Variants in FHIP1A observed in about 807,000 individuals in gnomAD.
FHIP1A encodes the protein FHF complex subunit HOOK interacting protein 1A.
A neutral mutation model predicts 88.6 loss-of-function variants in FHIP1A; 61 were observed. The ratio of observed to expected loss-of-function variants is 0.69; its 90% confidence interval spans 0.56 to 0.85. The LOEUF (loss-of-function observed/expected upper bound fraction) is 0.85. Among genes scored for constraint, FHIP1A ranks in the 40% least tolerant of loss-of-function variants. The pLI is 0.00. For missense variants in FHIP1A, 1,154 were observed against 1,273.5 expected (o/e 0.91, Z 1.43); for synonymous variants, 478 against 496.0 (o/e 0.96, Z 0.48).
At chr4:151,530,134 A>C (rs1660300054) in intron 3 of FHIP1A, among the ~76,000 whole-genome samples, 1 of 152,176 alleles carries the variant, frequency 6.6e-6, no homozygotes, top group Non-Finnish European at 1.5e-5. Flanking sequence ...CTATAGTACA[A>C]CTAAATTCAG....
rs1406482787 is a variant in FHIP1A at position 151,588,901 on chromosome 4, C to T, written c.953C>T (p.Pro318Leu). 4 of 1,550,690 alleles carry T rather than the reference C, an allele frequency of 2.6e-6. No individual in the cohort carries two copies. The highest frequency in any genetic ancestry group is 1.7e-4 in the Middle Eastern group (1 of 6,014). ...VNYIYNGFLVPVLAPALHKVT... is the reference protein window; with the variant it reads ...VNYIYNGFLVLVLAPALHKVT... ...TACATTTACAATGGATTTTTGGTAC[C>T]AGTCTTGGCTCCTGCTCTCCATAAG... Residue 318 changes from proline to leucine, a missense_variant, in exon 7 of 14, where the codon CCA becomes CTA. Coordinates refer to ENST00000435205, the MANE Select transcript of FHIP1A (RefSeq NM_001109977.3).
chr4:151,471,146 C>G (rs1378845851), intron 2 of FHIP1A, among the ~76,000 whole-genome samples: 1 of 152,056 alleles, frequency 6.6e-6, no homozygotes, highest in African/African-American at 2.4e-5. Flanking sequence ...AATCAGTCCT[C>G]CAACCTGTGT....
intron 5 of FHIP1A, among the ~76,000 whole-genome samples, chr4:151,582,224 G>A (rs1578780536): frequency 6.6e-6 from 1 of 152,130 alleles, no homozygotes; most frequent in Non-Finnish European, 1.5e-5. Flanking sequence ...CCTACCAGGT[G>A]TTATGCTGCG....
At chr4:151,653,684 G>A (rs1282913525) in intron 11 of FHIP1A, among the ~76,000 whole-genome samples, 2 of 152,178 alleles carry the variant, frequency 1.3e-5, no homozygotes, top group African/African-American at 2.4e-5. Flanking sequence ...GACCGGAAAT[G>A]AGACTGACCT....
chr4:151,501,217 T>A, intron 3 of FHIP1A, among the ~76,000 whole-genome samples: 1 of 152,238 alleles, frequency 6.6e-6, no homozygotes, highest in East Asian at 1.9e-4. Context: ...TGAATCATGC[T>A]GCTATGAACA....
At chr4:151,447,948 G>A (rs1355104812) in intron 1 of FHIP1A, among the ~76,000 whole-genome samples, 1 of 152,130 alleles carries the variant, frequency 6.6e-6, no homozygotes, top group Non-Finnish European at 1.5e-5. Context: ...TTGCTCTGTA[G>A]CCCAGGCTGG....
At chr4:151,598,249 C>T (rs972726986) in intron 7 of FHIP1A, among the ~76,000 whole-genome samples, 25 of 152,116 alleles carry the variant, frequency 1.6e-4, no homozygotes, top group African/African-American at 5.8e-4. Flanking sequence ...CTGTTCCTCA[C>T]GGCACAGTCC....
chr4:151,590,185 A>G (rs1006605879), intron 7 of FHIP1A, among the ~76,000 whole-genome samples: 2 of 152,232 alleles, frequency 1.3e-5, no homozygotes, highest in African/African-American at 4.8e-5. Context: ...GGAACACAAG[A>G]GTGCTATAGA....
At position 151,616,013 on chromosome 4, in the gene FHIP1A, G is replaced by C. The variant is rs529249094; in HGVS notation, c.979-13689G>C. 2.6e-5 allele frequency among the ~76,000 whole-genome samples: 4 copies of C among 152,288 alleles called. No homozygotes were observed. The South Asian group carries it at 8.3e-4, about 32-fold the overall frequency. On this transcript the variant is annotated intron_variant, in intron 7 of 13. Transcript: ENST00000435205. ...GCAGGGTTCTCTGTTAGGATTGCCC[G>C]TGTGTTGCCATGAGTTTGTCTTGGT...
At chr4:151,611,223 G>T (rs372565338) in intron 7 of FHIP1A, among the ~76,000 whole-genome samples, 1 of 152,234 alleles carries the variant, frequency 6.6e-6, no homozygotes, top group Admixed American at 6.5e-5. Flanking sequence ...TTGCACAGGG[G>T]TGGGTGGTGG....
At chr4:151,431,231 C>A (rs556515624) in intron 1 of FHIP1A, among the ~76,000 whole-genome samples, 1 of 152,174 alleles carries the variant, frequency 6.6e-6, no homozygotes, top group African/African-American at 2.4e-5. Flanking sequence ...CTCAGTCAAT[C>A]CTGACTGTGG....
chr4:151,613,834 T>C (rs1253648675), intron 7 of FHIP1A, among the ~76,000 whole-genome samples: 3 of 152,296 alleles, frequency 2.0e-5, no homozygotes, highest in Middle Eastern at 3.4e-3. Context: ...AACATGGAAC[T>C]TGGGTTGAGA....
chr4:151,442,523 G>A (rs1728450165), intron 1 of FHIP1A, among the ~76,000 whole-genome samples: 1 of 151,914 alleles, frequency 6.6e-6, no homozygotes, highest in South Asian at 2.1e-4. Flanking sequence ...TCTCACATGG[G>A]TCAGCATATT....
chr4:151,432,477 G>T (rs1733629856), intron 1 of FHIP1A, among the ~76,000 whole-genome samples: 1 of 152,168 alleles, frequency 6.6e-6, no homozygotes, highest in South Asian at 2.1e-4. Context: ...GGTGAGTGAG[G>T]AAGAGACAGA....
intron 3 of FHIP1A, among the ~76,000 whole-genome samples, chr4:151,494,287 G>A (rs1033699284): frequency 5.9e-5 from 9 of 152,094 alleles, no homozygotes; most frequent in African/African-American, 2.2e-4. Flanking sequence ...ATATCTTCCA[G>A]GGTTTTTATA....
chr4:151,603,813 G>A (rs1272506943), intron 7 of FHIP1A, among the ~76,000 whole-genome samples: 2 of 152,132 alleles, frequency 1.3e-5, no homozygotes, highest in Non-Finnish European at 2.9e-5. Context: ...TTCCTGCAAG[G>A]TTCTTGAGTC....
At chr4:151,660,616 T>C (rs1737421734) in intron 13 of FHIP1A, among the ~76,000 whole-genome samples, 1 of 152,104 alleles carries the variant, frequency 6.6e-6, no homozygotes, top group Non-Finnish European at 1.5e-5. Context: ...CTGAGAAAGG[T>C]TGGAGTCTAG....
At chr4:151,548,307 A>G (rs1732586731) in intron 3 of FHIP1A, among the ~76,000 whole-genome samples, 1 of 152,180 alleles carries the variant, frequency 6.6e-6, no homozygotes, top group Non-Finnish European at 1.5e-5. Flanking sequence ...GGCTAATTCC[A>G]TGGAAACAGT....
At chr4:151,624,693 G>C (rs984460968) in intron 7 of FHIP1A, among the ~76,000 whole-genome samples, 1 of 152,082 alleles carries the variant, frequency 6.6e-6, no homozygotes, top group Non-Finnish European at 1.5e-5. Flanking sequence ...AAATATTTTA[G>C]GAATAAATCA....
Sources: allele counts gnomAD v4.1 joint callset (sites outside exome capture counted in the v4.1 genomes callset), GRCh38; gene constraint gnomAD v4.1.1; transcripts MANE v1.5; gene names NCBI Gene and HGNC (gene_info 2026-07-23, HGNC 2026-07-21).